Variants in NEGR1 observed in about 807,000 individuals in gnomAD.
The protein encoded by NEGR1 is neuronal growth regulator 1, also known as IgLON family member 4.
In NEGR1, 10 loss-of-function variants were observed where a neutral mutation model predicts 40.9. The observed-to-expected ratio is 0.24, with a 90% CI of 0.15 to 0.42. The LOEUF (loss-of-function observed/expected upper bound fraction) is 0.42. NEGR1 is among the 10% of genes least tolerant of loss of function. The pLI, the probability that NEGR1 is intolerant of heterozygous loss-of-function variation, is 1.00. For synonymous variants in NEGR1, 185 were observed against 166.8 expected, an observed-to-expected ratio of 1.11 and a Z score of -0.84; for missense variants, 352 against 438.9, an observed-to-expected ratio of 0.80 and a Z score of 1.77.
At chr1:72,018,303 A>T (rs1243433740) in intron 1 of NEGR1, among the ~76,000 whole-genome samples, 1 of 152,130 alleles carries the variant, frequency 6.6e-6, no homozygotes, top group African/African-American at 2.4e-5. Context: ...CCTTTAATAA[A>T]CTCATAGCCT....
intron 1 of NEGR1, among the ~76,000 whole-genome samples, chr1:72,189,614 G>A (rs1652743517): frequency 6.6e-6 from 1 of 151,518 alleles, no homozygotes; most frequent in Non-Finnish European, 1.5e-5. Flanking sequence ...GGAGTCCAAA[G>A]TAGGCCCTTA....
intron 6 of NEGR1, among the ~76,000 whole-genome samples, chr1:71,488,907 T>C (rs1229498331): frequency 6.6e-6 from 1 of 151,812 alleles, no homozygotes; most frequent in Admixed American, 6.6e-5. Context: ...TGGAAACAAA[T>C]CGACCTAGAC....
At chr1:71,832,393 G>A (rs80013424) in intron 2 of NEGR1, among the ~76,000 whole-genome samples, 2,898 of 152,016 alleles carry the variant, frequency 0.019, 51 homozygotes, top group Middle Eastern at 0.048. Flanking sequence ...AGGAGTATAT[G>A]GGTAAATGAT....
At chr1:71,483,912 G>A (rs1488409527) in intron 6 of NEGR1, among the ~76,000 whole-genome samples, 1 of 151,610 alleles carries the variant, frequency 6.6e-6, no homozygotes, top group Non-Finnish European at 1.5e-5. Flanking sequence ...TTTTCACTGA[G>A]GATTTTTTTT....
intron 1 of NEGR1, among the ~76,000 whole-genome samples, chr1:72,045,238 A>T (rs947036680): frequency 7.9e-5 from 12 of 151,896 alleles, no homozygotes; most frequent in African/African-American, 2.7e-4. Context: ...GAAAGTGCAT[A>T]CTAGGACCAT....
intron 5 of NEGR1, among the ~76,000 whole-genome samples, chr1:71,609,555 A>AAAAAAAAAAAG (rs1282450509): frequency 7.1e-6 from 1 of 141,348 alleles, no homozygotes; most frequent in Non-Finnish European, 1.5e-5. Context: ...AAAAAAAAAA[A>AAAAAAAAAAAG]AGAAATGAGA....
At chr1:72,105,073 T>C (rs766477735) in intron 1 of NEGR1, among the ~76,000 whole-genome samples, 1 of 152,132 alleles carries the variant, frequency 6.6e-6, no homozygotes, top group Non-Finnish European at 1.5e-5. Context: ...GACAAAACTG[T>C]GTATCTCTAT....
At chr1:71,918,751 C>T (rs1557433401) in intron 2 of NEGR1, among the ~76,000 whole-genome samples, 1 of 151,820 alleles carries the variant, frequency 6.6e-6, no homozygotes, top group Non-Finnish European at 1.5e-5. Context: ...GTTATCCTGA[C>T]ATTTCATTCT....
At chr1:72,194,530 A>G (rs1652933416) in intron 1 of NEGR1, among the ~76,000 whole-genome samples, 1 of 152,000 alleles carries the variant, frequency 6.6e-6, no homozygotes, top group Admixed American at 6.6e-5. Context: ...TCACTCAGAA[A>G]TAGGCTTAAA....
rs375983589 is a variant in NEGR1 at position 71,721,768 on chromosome 1, T to C, written c.536-23629A>G. 1.3e-4 allele frequency among the ~76,000 whole-genome samples: 20 copies of C among 152,242 alleles called. No individual in the cohort carries two copies. The East Asian group carries it at 3.3e-3, about 25-fold the overall frequency. ...ATGGAGAAACGTTGAAGTAAAATGA[T>C]GTGATAGAGAGTTACTGCCTGCTCA... is the stretch of plus-strand genomic sequence containing the variant. On this transcript the variant is annotated intron_variant, in intron 3 of 6. Transcript: ENST00000357731.
intron 1 of NEGR1, among the ~76,000 whole-genome samples, chr1:72,164,699 T>C (rs1651705395): frequency 1.3e-5 from 2 of 152,084 alleles, no homozygotes; most frequent in African/African-American, 2.4e-5. Flanking sequence ...CACAGCTCTC[T>C]GTTTTTGTTT....
intron 1 of NEGR1, among the ~76,000 whole-genome samples, chr1:72,187,365 A>G (rs1652650235): frequency 1.3e-5 from 2 of 151,532 alleles, no homozygotes; most frequent in East Asian, 3.9e-4. Flanking sequence ...GAAATATCCT[A>G]ACACAGTATT....
At chr1:71,577,675 A>G (rs937047746) in intron 6 of NEGR1, among the ~76,000 whole-genome samples, 3 of 152,162 alleles carry the variant, frequency 2.0e-5, no homozygotes, top group African/African-American at 4.8e-5. Context: ...AATCAGACCA[A>G]TTTCTAGTCT....
chr1:71,419,146 T>C (rs1646376387), intron 6 of NEGR1, among the ~76,000 whole-genome samples: 1 of 152,186 alleles, frequency 6.6e-6, no homozygotes, highest in Admixed American at 6.5e-5. Context: ...CCTTCTTCCC[T>C]ATTTTATTTG....
chr1:71,606,052 A>G (rs1021394837), intron 5 of NEGR1, among the ~76,000 whole-genome samples: 3 of 152,158 alleles, frequency 2.0e-5, no homozygotes, highest in Admixed American at 6.5e-5. Context: ...CACAATGACA[A>G]TTTCAGGGCA....
At chr1:72,123,294 T>G (rs1464587740) in intron 1 of NEGR1, among the ~76,000 whole-genome samples, 3 of 151,818 alleles carry the variant, frequency 2.0e-5, no homozygotes, top group Non-Finnish European at 4.4e-5. Context: ...GTATAGTAGA[T>G]AATCTTGACA....
chr1:71,534,585 A>C (rs1329066682), intron 6 of NEGR1, among the ~76,000 whole-genome samples: 4 of 151,776 alleles, frequency 2.6e-5, no homozygotes, highest in Non-Finnish European at 4.4e-5. Flanking sequence ...TCAAAAGTCC[A>C]GTCATCTATC....
At chr1:71,573,994 C>T (rs374090665) in intron 6 of NEGR1, among the ~76,000 whole-genome samples, 1 of 152,074 alleles carries the variant, frequency 6.6e-6, no homozygotes, top group African/African-American at 2.4e-5. Context: ...CTTTGTTGTT[C>T]CCTGTTTTGT....
At chr1:71,746,002 T>C (rs534047463) in intron 3 of NEGR1, among the ~76,000 whole-genome samples, 1 of 152,254 alleles carries the variant, frequency 6.6e-6, no homozygotes, top group East Asian at 1.9e-4. Context: ...TTGCTGAGTT[T>C]CCCCCCTCAG....
Sources: gnomAD v4.1 joint callset for allele counts (sites outside exome capture counted in the v4.1 genomes callset) on GRCh38, gnomAD v4.1.1 for gene constraint, MANE v1.5 for transcripts, NCBI Gene and HGNC (gene_info 2026-07-23, HGNC 2026-07-21) for gene names.